The following RGS7 variants were observed in gnomAD, a reference collection of about 807,000 sequenced individuals.
RGS7 encodes regulator of G protein signaling 7.
A neutral mutation model predicts 81.1 loss-of-function variants in RGS7; 27 were observed. That is an observed-to-expected ratio of 0.33 (90% CI 0.25 to 0.46). The LOEUF is 0.46. Among genes scored for constraint, RGS7 ranks in the 20% least tolerant of loss-of-function variants. The pLI, the probability that RGS7 is intolerant of heterozygous loss-of-function variation, is 1.00. For missense variants in RGS7, 396 were observed against 607.4 expected (o/e 0.65, Z 3.66); for synonymous variants, 208 against 207.7 (o/e 1.00, Z -0.01).
chr1:241,073,781 T>TATTC (rs1312107705), intron 3 of RGS7, among the ~76,000 whole-genome samples: 2 of 152,218 alleles, frequency 1.3e-5, no homozygotes, highest in African/African-American at 4.8e-5. Context: ...CACCTTTCAA[T>TATTC]ATTCATTATA....
At chr1:240,997,750 G>A (rs1209674302) in intron 3 of RGS7, among the ~76,000 whole-genome samples, 1 of 152,192 alleles carries the variant, frequency 6.6e-6, no homozygotes, top group Non-Finnish European at 1.5e-5. Context: ...CGTGAATCCA[G>A]GAGACAGAGG....
At chr1:241,119,937 A>G (rs192733985) in intron 2 of RGS7, among the ~76,000 whole-genome samples, 2 of 152,024 alleles carry the variant, frequency 1.3e-5, no homozygotes, top group East Asian at 3.9e-4. Context: ...AACTCAAATA[A>G]TAGCACATCA....
chr1:241,332,206 A>G (rs184801164), intron 2 of RGS7, among the ~76,000 whole-genome samples: 2 of 152,314 alleles, frequency 1.3e-5, no homozygotes, highest in Admixed American at 1.3e-4. Context: ...GGCTGTCTAG[A>G]GGAGGCCCAC....
At chr1:241,250,631 C>T (rs151073879) in intron 2 of RGS7, among the ~76,000 whole-genome samples, 1 of 152,324 alleles carries the variant, frequency 6.6e-6, no homozygotes, top group African/African-American at 2.4e-5. Flanking sequence ...TTGCATGAGT[C>T]ATCCATACTC....
intron 2 of RGS7, among the ~76,000 whole-genome samples, chr1:241,311,326 A>G (rs1215551267): frequency 1.3e-5 from 2 of 152,250 alleles, no homozygotes; most frequent in African/African-American, 2.4e-5. Context: ...CACATAAAAA[A>G]CAAAGATAGG....
intron 4 of RGS7, among the ~76,000 whole-genome samples, chr1:240,943,213 A>G (rs987373090): frequency 6.6e-6 from 1 of 152,210 alleles, no homozygotes; most frequent in African/African-American, 2.4e-5. Flanking sequence ...CTATTTCCAA[A>G]AAAGGAGCAG....
chr1:241,235,826 T>C (rs917825443), intron 2 of RGS7, among the ~76,000 whole-genome samples: 9 of 151,632 alleles, frequency 5.9e-5, no homozygotes, highest in African/African-American at 2.2e-4. Context: ...ATGAGAAGCC[T>C]AGGCACCAAT....
chr1:241,020,242 A>G (rs143225441), intron 3 of RGS7, among the ~76,000 whole-genome samples: 5 of 152,308 alleles, frequency 3.3e-5, no homozygotes, highest in Non-Finnish European at 7.4e-5. Flanking sequence ...GCATGTATTC[A>G]TTTCCTAGGG....
chr1:241,052,520 A>G (rs1475755384), intron 3 of RGS7, among the ~76,000 whole-genome samples: 4 of 152,146 alleles, frequency 2.6e-5, no homozygotes, highest in Admixed American at 6.5e-5. Flanking sequence ...ACTCTTTGCC[A>G]TAATACACTC....
chr1:241,256,178 T>C (rs954760107), intron 2 of RGS7, among the ~76,000 whole-genome samples: 1 of 152,174 alleles, frequency 6.6e-6, no homozygotes, highest in African/African-American at 2.4e-5. Context: ...ATTTCTTATT[T>C]ATGTAAGAGG....
chr1:241,339,115 A>T (rs1285914247), intron 2 of RGS7, among the ~76,000 whole-genome samples: 1 of 151,882 alleles, frequency 6.6e-6, no homozygotes, highest in Non-Finnish European at 1.5e-5. Context: ...GTTCAGTCCC[A>T]CTTATAAGTG....
At chr1:240,941,858 C>T (rs2148398108) in intron 4 of RGS7, among the ~76,000 whole-genome samples, 1 of 150,856 alleles carries the variant, frequency 6.6e-6, no homozygotes, top group Admixed American at 6.7e-5. Flanking sequence ...CAAGATCACT[C>T]TCCCAATAAC....
At chr1:240,910,277 T>C (rs1671534828) in intron 6 of RGS7, among the ~76,000 whole-genome samples, 2 of 152,182 alleles carry the variant, frequency 1.3e-5, no homozygotes, top group South Asian at 4.1e-4. Flanking sequence ...TGTAAATAAA[T>C]GTGGGGCGTT....
At position 241,039,269 on chromosome 1, in the gene RGS7, T is replaced by C. The variant is rs145087078; in HGVS notation, c.176-56140A>G. On this transcript the variant is annotated intron_variant, in intron 3 of 18. Transcript: ENST00000440928. ...ATTAGTGTGCTTAACCTTTCTCTACTGTGGGATCAAACACTGGGCATGAGG... is the reference window on the plus strand; with the variant it reads ...ATTAGTGTGCTTAACCTTTCTCTACCGTGGGATCAAACACTGGGCATGAGG... 1.3e-3 allele frequency among the ~76,000 whole-genome samples: 201 copies of C among 152,332 alleles called. 1 individual carries two copies. Among genetic ancestry groups the C allele is most frequent in the African/African-American group, 4.4e-3 (185 of 41,582 alleles).
At chr1:240,894,517 T>A (rs1668737519) in intron 6 of RGS7, among the ~76,000 whole-genome samples, 1 of 152,122 alleles carries the variant, frequency 6.6e-6, no homozygotes, top group Non-Finnish European at 1.5e-5. Context: ...ATTCTAGATC[T>A]TTCTTCCAAT....
chr1:241,106,232 T>C (rs1198443467), intron 2 of RGS7, among the ~76,000 whole-genome samples: 1 of 152,220 alleles, frequency 6.6e-6, no homozygotes, highest in Non-Finnish European at 1.5e-5. Flanking sequence ...TAAAGCTGCT[T>C]CTAATTGATA....
Position 241,106,831 on chromosome 1 carries a change from T to G in RGS7, c.79-8069A>C, listed in dbSNP as rs377183265. Among the ~76,000 whole-genome samples, 81 of 148,742 alleles carry G rather than the reference T, an allele frequency of 5.4e-4. No individual in the cohort carries two copies. The East Asian group carries it at 0.011, about 21-fold the overall frequency. Reference sequence around the variant, plus strand: ...CTTAGAAGCTTAGAAACTTAGAAATTTTATCCTTTTGTGATTTTGCAGAAA... The same window carrying G: ...CTTAGAAGCTTAGAAACTTAGAAATGTTATCCTTTTGTGATTTTGCAGAAA... On this transcript the variant is annotated intron_variant, in intron 2 of 18. Coordinates refer to ENST00000440928, the MANE Select transcript of RGS7 (RefSeq NM_001364886.1).
Position 241,163,406 on chromosome 1 carries a change from T to C in RGS7, c.79-64644A>G, listed in dbSNP as rs1385572285. 6.6e-6 allele frequency among the ~76,000 whole-genome samples: 1 copy of C among 152,164 alleles called. No individual in the cohort carries two copies. Among genetic ancestry groups the C allele is most frequent in the Admixed American group, 6.5e-5 (1 of 15,278 alleles). ...GAGGGCCAGCAGATAGAAGTAGCCA[T>C]GCAAAGCTGTCTTTTGTCGGGGAGA... On this transcript the variant is annotated intron_variant, in intron 2 of 18. Coordinates refer to ENST00000440928, the MANE Select transcript of RGS7 (RefSeq NM_001364886.1). This position sits in a 1 kb window ranked among gnomAD's most constrained non-coding sequence, Gnocchi z 4.6.
At chr1:241,168,104 T>G (rs2070412030) in intron 2 of RGS7, among the ~76,000 whole-genome samples, 1 of 152,210 alleles carries the variant, frequency 6.6e-6, no homozygotes, top group Non-Finnish European at 1.5e-5. Context: ...CCAAATGCAC[T>G]AGCAACCCAT....
Sources: gnomAD v4.1 joint callset for allele counts (sites outside exome capture counted in the v4.1 genomes callset) on GRCh38, gnomAD v4.1.1 for gene constraint, Gnocchi (gnomAD v3.1) non-coding constraint, MANE v1.5 for transcripts, NCBI Gene and HGNC (gene_info 2026-07-23, HGNC 2026-07-21) for gene names.